The following TBC1D22A variants were observed in gnomAD, a reference collection of about 807,000 sequenced individuals.
The protein encoded by TBC1D22A is TBC1 domain family member 22A, also known as putative GTPase activator.
TBC1D22A carries 38 observed loss-of-function variants against 60.2 expected under a neutral mutation model. The ratio of observed to expected loss-of-function variants is 0.63; its 90% CI spans 0.49 to 0.83. The LOEUF (loss-of-function observed/expected upper bound fraction) is 0.83, where lower values mean the gene tolerates loss of function less well. Among genes scored for constraint, TBC1D22A ranks in the 40% least tolerant of loss-of-function variants. The pLI is 0.00. For synonymous variants in TBC1D22A, 302 were observed against 281.7 expected, an observed-to-expected ratio of 1.07 and a Z score of -0.72; for missense variants, 628 against 701.0, an observed-to-expected ratio of 0.90 and a Z score of 1.18.
At chr22:46,987,521 A>G (rs2074772770) in intron 9 of TBC1D22A, among the ~76,000 whole-genome samples, 3 of 152,248 alleles carry the variant, frequency 2.0e-5, no homozygotes, top group Admixed American at 1.3e-4. Flanking sequence ...TAAAGCAACT[A>G]TCCTAATAAA....
intron 8 of TBC1D22A, among the ~76,000 whole-genome samples, chr22:46,940,479 T>C (rs2147936614): frequency 6.8e-6 from 1 of 146,714 alleles, no homozygotes; most frequent in South Asian, 2.2e-4. Flanking sequence ...TGTATGTATG[T>C]ATATATATAC....
intron 5 of TBC1D22A, among the ~76,000 whole-genome samples, chr22:46,889,699 G>C (rs12169310): frequency 0.046 from 6,952 of 152,248 alleles, 496 homozygotes; most frequent in African/African-American, 0.16. Flanking sequence ...GGATCCGTCT[G>C]GGAAGGTGCT....
intron 1 of TBC1D22A, among the ~76,000 whole-genome samples, chr22:46,787,828 G>C (rs1443043299): frequency 1.3e-5 from 2 of 152,120 alleles, no homozygotes; most frequent in Admixed American, 6.5e-5. Context: ...TTGGAATTTG[G>C]GGGAAGTGAA....
At chr22:46,768,487 A>G (rs1404574293) in intron 1 of TBC1D22A, among the ~76,000 whole-genome samples, 1 of 37,366 alleles carries the variant, frequency 2.7e-5, no homozygotes, top group Non-Finnish European at 5.8e-5. Context: ...TCTGTCTCAA[A>G]AAAAAAAAAA....
chr22:46,930,738 C>G (rs1163766449), intron 8 of TBC1D22A, among the ~76,000 whole-genome samples: 1 of 151,926 alleles, frequency 6.6e-6, no homozygotes, highest in African/African-American at 2.4e-5. Flanking sequence ...GCTGGGATTA[C>G]AGGTGTGAGC....
At chr22:46,769,881 G>T (rs1313151503) in intron 1 of TBC1D22A, among the ~76,000 whole-genome samples, 1 of 152,130 alleles carries the variant, frequency 6.6e-6, no homozygotes, top group Non-Finnish European at 1.5e-5. Context: ...GGGTACACAT[G>T]GCACACTCAG....
At chr22:47,129,354 G>A (rs938540425) in intron 12 of TBC1D22A, among the ~76,000 whole-genome samples, 3 of 152,220 alleles carry the variant, frequency 2.0e-5, no homozygotes, top group Non-Finnish European at 4.4e-5. Flanking sequence ...GCACGTGCCT[G>A]TAATCCCAGC....
intron 12 of TBC1D22A, among the ~76,000 whole-genome samples, chr22:47,140,569 A>AG (rs1491097949): frequency 6.7e-6 from 1 of 148,416 alleles, no homozygotes; most frequent in Non-Finnish European, 1.5e-5. Flanking sequence ...AAAAAAAAAA[A>AG]GAAAGAAAGA....
At chr22:46,889,807 A>G (rs537972402) in intron 5 of TBC1D22A, among the ~76,000 whole-genome samples, 22 of 152,230 alleles carry the variant, frequency 1.4e-4, no homozygotes, top group Admixed American at 5.9e-4. Flanking sequence ...CACAGTGAGG[A>G]GGTGAGCACC....
At position 46,942,025 on chromosome 22, in the gene TBC1D22A, AT is replaced by A. The variant is rs1434552999; in HGVS notation, c.1015+29839del. Among the ~76,000 whole-genome samples, 24 of 114,454 alleles carry A rather than the reference AT, an allele frequency of 2.1e-4. No individual in the cohort carries two copies. In the South Asian group the frequency reaches 5.7e-3, roughly 27 times the overall value. The allele number at this position is 114,454 out of a possible 152,430, so 75.1% of individuals were successfully genotyped here. ...CCAGCATACATATATATATATATAT[AT>A]TATATATATATATACACACAGTCCA... On this transcript the variant is annotated intron_variant, in intron 8 of 12. Transcript: ENST00000337137.
At chr22:46,894,662 C>T in intron 6 of TBC1D22A, 122 bp from the exon 7 acceptor site, 1 of 1,169,578 alleles carries the variant, frequency 8.6e-7, no homozygotes, top group Non-Finnish European at 1.3e-6. Flanking sequence ...CGAGAATCCT[C>T]AAGGAGAGAG....
chr22:46,792,894 C>A, intron 2 of TBC1D22A: 1 of 1,412,902 alleles, frequency 7.1e-7, no homozygotes, highest in Non-Finnish European at 9.2e-7. Flanking sequence ...TGTCCTTTCC[C>A]CTCCTCCTTC....
chr22:46,917,443 C>G (rs1371121500), intron 8 of TBC1D22A, among the ~76,000 whole-genome samples: 1 of 152,050 alleles, frequency 6.6e-6, no homozygotes, highest in Non-Finnish European at 1.5e-5. Context: ...ACCAAGGTGG[C>G]TTGGTGTGAG....
At position 46,990,843 on chromosome 22, in the gene TBC1D22A, G is replaced by A. The variant is rs777448642; in HGVS notation, c.1126-6791G>A. ...GTTCGTGACGGCTCTGCTCCTCGCCGTGTGCGTCTGGAAGTGACCATGGAT... is the reference window on the plus strand; with the variant it reads ...GTTCGTGACGGCTCTGCTCCTCGCCATGTGCGTCTGGAAGTGACCATGGAT... On this transcript the variant is annotated intron_variant, in intron 9 of 12. Transcript: ENST00000337137. This position sits in a 1 kb window ranked among gnomAD's most constrained non-coding sequence, Gnocchi z 4.6. Among the ~76,000 whole-genome samples, 15 of 152,196 alleles carry A rather than the reference G, an allele frequency of 9.9e-5. 1 individual carries two copies. In the South Asian group the frequency reaches 1.7e-3, roughly 17 times the overall value.
rs570072137 is a variant in TBC1D22A at position 47,096,759 on chromosome 22, T to C, written c.1330-14749T>C. 4.6e-5 allele frequency among the ~76,000 whole-genome samples: 7 copies of C among 152,088 alleles called. No individual in the cohort carries two copies. The East Asian group carries it at 1.4e-3, about 29-fold the overall frequency. On this transcript the variant is annotated intron_variant, in intron 11 of 12. Coordinates refer to ENST00000337137, the MANE Select transcript of TBC1D22A (RefSeq NM_014346.5). ...ATTGCTTGAACCTGGGAGGTGGAGG[T>C]TGCAGTGAGCCGAGATTGTGCCACA...
intron 10 of TBC1D22A, 72 bp from the exon 11 acceptor site, chr22:47,036,999 C>G: frequency 6.9e-6 from 11 of 1,595,998 alleles, no homozygotes; most frequent in Non-Finnish European, 9.4e-6. Context: ...CCTTGGGGGA[C>G]AAGTGACCTG....
At chr22:47,077,181 G>C (rs1228209995) in intron 11 of TBC1D22A, among the ~76,000 whole-genome samples, 1 of 152,208 alleles carries the variant, frequency 6.6e-6, no homozygotes, top group East Asian at 1.9e-4. Flanking sequence ...AGAGTATTTG[G>C]TCGGAAGCTG....
chr22:47,049,374 C>T (rs1407194640), intron 11 of TBC1D22A, among the ~76,000 whole-genome samples: 2 of 152,244 alleles, frequency 1.3e-5, no homozygotes, highest in Non-Finnish European at 2.9e-5. Context: ...TCAGGGTCCC[C>T]CTGGGCAGCG....
At chr22:47,127,062 G>A (rs2066482969) in intron 12 of TBC1D22A, among the ~76,000 whole-genome samples, 1 of 152,138 alleles carries the variant, frequency 6.6e-6, no homozygotes, top group Non-Finnish European at 1.5e-5. Flanking sequence ...GGGGTCTCAG[G>A]AAACCAGGCA....
Sources: gnomAD v4.1 joint callset for allele counts (sites outside exome capture counted in the v4.1 genomes callset) on GRCh38, gnomAD v4.1.1 for gene constraint, Gnocchi (gnomAD v3.1) non-coding constraint, MANE v1.5 for transcripts, NCBI Gene and HGNC (gene_info 2026-07-23, HGNC 2026-07-21) for gene names.